The following ALKAL1 variants were observed in gnomAD, a reference collection of about 807,000 sequenced individuals.
The protein encoded by ALKAL1 is ALK and LTK ligand 1.
Under a neutral mutation model 13.5 loss-of-function variants are expected in ALKAL1, and 23 were observed. That is an observed-to-expected ratio of 1.70 (90% confidence interval 1.23 to 2.41). ALKAL1 has a LOEUF of 2.41. Among genes scored for constraint, ALKAL1 ranks in the 30% most tolerant of loss-of-function variants. ALKAL1 has a pLI of 0.00. For synonymous variants in ALKAL1, 85 were observed against 77.7 expected (o/e 1.09, Z -0.49); for missense variants, 181 against 178.4 (o/e 1.01, Z -0.08).
At chr8:52,553,215 G>A (rs1323251135) in intron 1 of ALKAL1, among the ~76,000 whole-genome samples, 1 of 152,086 alleles carries the variant, frequency 6.6e-6, no homozygotes, top group Non-Finnish European at 1.5e-5. Context: ...GAGCATGGTG[G>A]TGCATGACTG....
intron 4 of ALKAL1, among the ~76,000 whole-genome samples, chr8:52,535,902 A>G (rs1181377866): frequency 6.6e-6 from 1 of 152,136 alleles, no homozygotes; most frequent in African/African-American, 2.4e-5. Context: ...GGCCAGTTCA[A>G]GATATTCATG....
chr8:52,547,318 C>T (rs905061881), intron 1 of ALKAL1, among the ~76,000 whole-genome samples: 3 of 151,464 alleles, frequency 2.0e-5, no homozygotes, highest in East Asian at 2.0e-4. Context: ...ACCAACATGG[C>T]GAAACCCCAT....
intron 1 of ALKAL1, among the ~76,000 whole-genome samples, chr8:52,547,034 GAA>G: frequency 6.6e-6 from 1 of 152,300 alleles, no homozygotes; most frequent in South Asian, 2.1e-4. Context: ...GGGGTGGAGA[GAA>G]GAGATATTTT....
intron 2 of ALKAL1, among the ~76,000 whole-genome samples, chr8:52,541,019 C>A (rs1446198803): frequency 6.6e-6 from 1 of 152,134 alleles, no homozygotes; most frequent in Non-Finnish European, 1.5e-5. Context: ...GCTGGGATGA[C>A]TGGGAACAGA....
At chr8:52,543,330 C>A (rs1312012744) in intron 1 of ALKAL1, among the ~76,000 whole-genome samples, 1 of 152,208 alleles carries the variant, frequency 6.6e-6, no homozygotes, top group Non-Finnish European at 1.5e-5. Flanking sequence ...AGAGTCTGAG[C>A]CATCACGGTG....
At chr8:52,537,239 C>T (rs1049367303) in intron 4 of ALKAL1, among the ~76,000 whole-genome samples, 1 of 152,122 alleles carries the variant, frequency 6.6e-6, no homozygotes, top group Non-Finnish European at 1.5e-5. Flanking sequence ...CATCACTAAT[C>T]ATCAGGAAAA....
intron 4 of ALKAL1, among the ~76,000 whole-genome samples, chr8:52,538,091 A>G (rs1484569646): frequency 1.4e-5 from 2 of 147,516 alleles, no homozygotes; most frequent in East Asian, 2.0e-4. Context: ...CTGCCTCCGA[A>G]AAAAAAAAAA....
intron 3 of ALKAL1, 94 bp downstream of exon 3, chr8:52,539,737 C>G: frequency 1.1e-6 from 1 of 887,938 alleles, no homozygotes; most frequent in Non-Finnish European, 1.8e-6. Context: ...AATGTTTAGT[C>G]TACTACTTCC....
chr8:52,565,094 G>T lies in ALKAL1; in HGVS notation c.163C>A (p.Arg55=). The T allele has an allele frequency of 5.0e-6, 7 of 1,412,344 alleles. No homozygotes were observed. The South Asian group carries it at 1.1e-4, about 21-fold the overall frequency. 87.5% of individuals were successfully genotyped at this position (1,412,344 alleles called of 1,614,324 possible). The stretch of plus-strand genomic sequence containing the variant: ...GCGCTCCGGGAGCCGCTGGGAGTCC[G>T]GCCGGCCCCGGCCGCGGGGAGGAAA... ...LLFLPAAGAG[R]TPSGSRSAEI... The change falls in exon 1 of 5, where the codon CGG becomes AGG. Residue 55 remains arginine, a synonymous_variant. Transcript: ENST00000358543.
chr8:52,552,952 C>T (rs564869628), intron 1 of ALKAL1, among the ~76,000 whole-genome samples: 13 of 152,258 alleles, frequency 8.5e-5, no homozygotes, highest in African/African-American at 3.1e-4. Flanking sequence ...CTGCTTCTAG[C>T]CCCTCGAAGC....
At chr8:52,560,070 A>G (rs1847531880) in intron 1 of ALKAL1, among the ~76,000 whole-genome samples, 1 of 152,146 alleles carries the variant, frequency 6.6e-6, no homozygotes, top group Non-Finnish European at 1.5e-5. Flanking sequence ...TTCAAATAGA[A>G]TAATATAATA....
chr8:52,535,385 C>CAAA (rs879837990), intron 4 of ALKAL1, among the ~76,000 whole-genome samples: 1 of 116,500 alleles, frequency 8.6e-6, no homozygotes, highest in Non-Finnish European at 1.8e-5. Context: ...CTGTTGCCAC[C>CAAA]AAAAAAAAAA....
In ALKAL1 at chr8:52,542,391, C is replaced by T. The variant is rs763330765; in HGVS notation, c.244+1G>A. On this transcript the variant is annotated splice_donor_variant, in intron 2 of 4. Coordinates refer to ENST00000358543, the MANE Select transcript of ALKAL1 (RefSeq NM_207413.4). LOFTEE classifies it high-confidence loss of function. Reference sequence around the variant, plus strand: ...GAATCACTGATACATTTTGTACTTACCTGTGAAATGCTTTATGAATTTGTC... The same window carrying T: ...GAATCACTGATACATTTTGTACTTATCTGTGAAATGCTTTATGAATTTGTC... The T allele has an allele frequency of 3.3e-6, 5 of 1,530,752 alleles. No individual in the cohort carries two copies. In the South Asian group the frequency reaches 3.5e-5, roughly 11 times the overall value. The allele number at this position is 1,530,752 out of a possible 1,614,324, so 94.8% of individuals were successfully genotyped here.
At chr8:52,557,318 C>A (rs1243168418) in intron 1 of ALKAL1, among the ~76,000 whole-genome samples, 1 of 152,156 alleles carries the variant, frequency 6.6e-6, no homozygotes, top group Admixed American at 6.5e-5. Flanking sequence ...TCACAAGAAG[C>A]CTCATGATGG....
intron 1 of ALKAL1, among the ~76,000 whole-genome samples, chr8:52,563,546 G>A (rs978212615): frequency 6.6e-5 from 10 of 152,242 alleles, no homozygotes; most frequent in African/African-American, 2.2e-4. Context: ...GAATGAATGT[G>A]TGCCCTCCAT....
At chr8:52,546,918 A>C (rs919623868) in intron 1 of ALKAL1, among the ~76,000 whole-genome samples, 2 of 152,152 alleles carry the variant, frequency 1.3e-5, no homozygotes, top group Admixed American at 1.3e-4. Context: ...AATATTGACT[A>C]TGTGGCCCTT....
intron 3 of ALKAL1, 127 bp downstream of exon 3, chr8:52,539,691 GTCAGTGTTCTAAA>G: frequency 4.8e-6 from 3 of 628,690 alleles, no homozygotes; most frequent in Non-Finnish European, 8.1e-6. Flanking sequence ...CTTAGGTTCT[GTCAGTGTTCTAAA>G]TCAGTGTTAT....
intron 1 of ALKAL1, among the ~76,000 whole-genome samples, chr8:52,546,627 T>C (rs1407957790): frequency 6.6e-6 from 1 of 152,218 alleles, no homozygotes; most frequent in Non-Finnish European, 1.5e-5. Flanking sequence ...TTCTTGGTTC[T>C]CCCTTGCACT....
At chr8:52,550,393 C>A (rs993127583) in intron 1 of ALKAL1, among the ~76,000 whole-genome samples, 1 of 151,902 alleles carries the variant, frequency 6.6e-6, no homozygotes, top group Non-Finnish European at 1.5e-5. Flanking sequence ...GTTGGATAGA[C>A]TCCCATTGGT....
Sources: gnomAD v4.1 joint callset for allele counts (sites outside exome capture counted in the v4.1 genomes callset) on GRCh38, gnomAD v4.1.1 for gene constraint, MANE v1.5 for transcripts, NCBI Gene and HGNC (gene_info 2026-07-23, HGNC 2026-07-21) for gene names.